The following AGBL4 variants were observed in gnomAD, a reference collection of about 807,000 sequenced individuals.
The protein encoded by AGBL4 is cytosolic carboxypeptidase 6.
A neutral mutation model predicts 66.4 loss-of-function variants in AGBL4; 58 were observed. The observed-to-expected ratio is 0.87, with a 90% confidence interval of 0.71 to 1.09. The LOEUF is 1.09. Among genes scored for constraint, AGBL4 ranks in the 50% least tolerant of loss-of-function variants. The pLI, the probability that AGBL4 is intolerant of heterozygous loss-of-function variation, is 0.00. For missense variants in AGBL4, 579 were observed against 631.0 expected (o/e 0.92, Z 0.88); for synonymous variants, 234 against 222.9 (o/e 1.05, Z -0.44).
intron 3 of AGBL4, among the ~76,000 whole-genome samples, chr1:49,257,200 G>C (rs1048989511): frequency 1.3e-5 from 2 of 152,150 alleles, no homozygotes; most frequent in Non-Finnish European, 2.9e-5. Context: ...TCTCTTCAAA[G>C]CTGTCAGACA....
chr1:48,741,393 A>G (rs944339592), intron 6 of AGBL4, among the ~76,000 whole-genome samples: 4 of 152,182 alleles, frequency 2.6e-5, no homozygotes, highest in Non-Finnish European at 2.9e-5. Flanking sequence ...CTATGCTAAG[A>G]ACTCAGGCTC....
At chr1:49,954,571 A>G (rs1378698058) in intron 1 of AGBL4, among the ~76,000 whole-genome samples, 1 of 151,926 alleles carries the variant, frequency 6.6e-6, no homozygotes, top group Non-Finnish European at 1.5e-5. Flanking sequence ...GAACCAATAC[A>G]TTTCTCTTCA....
rs1646710609 is a variant in AGBL4, at chr1:49,470,038, CA to C, written c.283-224175del. ...AATTAGAATAATAACAGTCACTCCA[CA>C]GAATTATTTTAAAAATTAAAAGTTA... On this transcript the variant is annotated intron_variant, in intron 3 of 13. Transcript: ENST00000371839. 6 of 151,972 alleles carry C rather than the reference CA, an allele frequency of 3.9e-5. No homozygotes were observed. The South Asian group carries it at 1.2e-3, about 32-fold the overall frequency. The allele number at this position is 151,972 out of a possible 1,614,324, so 9.4% of individuals were successfully genotyped here.
chr1:49,760,143 G>A (rs1270605419), intron 2 of AGBL4, among the ~76,000 whole-genome samples: 2 of 152,048 alleles, frequency 1.3e-5, no homozygotes, highest in East Asian at 3.9e-4. Flanking sequence ...TTTTGATGGG[G>A]TTGTTTTTTC....
intron 3 of AGBL4, among the ~76,000 whole-genome samples, chr1:49,295,210 G>A (rs1319130476): frequency 6.6e-6 from 1 of 152,106 alleles, no homozygotes. Context: ...AAGCATTGAG[G>A]ATATAACAAA....
At position 49,111,182 on chromosome 1, in the gene AGBL4, C is replaced by T. The variant is rs1359493690; in HGVS notation, c.378-65382G>A. Among the ~76,000 whole-genome samples the T allele has an allele frequency of 6.7e-5, 10 of 150,074 alleles. No individual in the cohort carries two copies. The East Asian group carries it at 7.9e-4, about 12-fold the overall frequency. ...AGGTTGGAGTGCAGTGGCGTGATCTCGCCTCACTGCAAGTTTCGCCTCCCA... is the reference window on the plus strand; with the variant it reads ...AGGTTGGAGTGCAGTGGCGTGATCTTGCCTCACTGCAAGTTTCGCCTCCCA... On this transcript the variant is annotated intron_variant, in intron 4 of 13. Coordinates refer to ENST00000371839, the MANE Select transcript of AGBL4 (RefSeq NM_032785.4).
chr1:49,461,496 C>CT (rs914441220), intron 3 of AGBL4, among the ~76,000 whole-genome samples: 67 of 146,164 alleles, frequency 4.6e-4, no homozygotes, highest in Admixed American at 8.3e-4. Flanking sequence ...ATTTTCCTTT[C>CT]TTTTTTTTTT....
At chr1:49,293,043 G>A (rs1644573074) in intron 3 of AGBL4, among the ~76,000 whole-genome samples, 1 of 152,218 alleles carries the variant, frequency 6.6e-6, no homozygotes, top group African/African-American at 2.4e-5. Flanking sequence ...AGCTCCCTGA[G>A]CCACGGCTGT....
chr1:48,888,191 G>C (rs7538754), intron 5 of AGBL4, among the ~76,000 whole-genome samples: 76,506 of 151,974 alleles, frequency 0.5, 22,251 homozygotes, highest in Non-Finnish European at 0.67. Flanking sequence ...AAGCCCAGAG[G>C]TCTTTACAAT....
At chr1:49,566,082 G>A (rs141229522) in intron 3 of AGBL4, among the ~76,000 whole-genome samples, 18 of 152,080 alleles carry the variant, frequency 1.2e-4, no homozygotes, top group Middle Eastern at 3.4e-3. Flanking sequence ...CTTTCTTCCC[G>A]TTGATCGCAT....
At chr1:49,525,462 T>C (rs771509821) in intron 3 of AGBL4, among the ~76,000 whole-genome samples, 35 of 151,932 alleles carry the variant, frequency 2.3e-4, no homozygotes, top group Non-Finnish European at 4.0e-4. Flanking sequence ...AAGGCAGTAA[T>C]GAGCTTGGTG....
At position 49,380,293 on chromosome 1, in the gene AGBL4, A is replaced by G. The variant is rs552184754; in HGVS notation, c.283-134429T>C. Among the ~76,000 whole-genome samples, 3 of 152,290 alleles carry G rather than the reference A, an allele frequency of 2.0e-5. No individual in the cohort carries two copies. In the South Asian group the frequency reaches 6.2e-4, roughly 32 times the overall value. On this transcript the variant is annotated intron_variant, in intron 3 of 13. Transcript: ENST00000371839. Reference sequence around the variant, plus strand: ...AAAATACCTAGGAATCCAACTTACAAGGGACGTGAAGACATGGAGAACTAC... The same window carrying G: ...AAAATACCTAGGAATCCAACTTACAGGGGACGTGAAGACATGGAGAACTAC...
intron 3 of AGBL4, among the ~76,000 whole-genome samples, chr1:49,534,171 C>CAAAAAAAAAAAAAAA (rs71059553): frequency 1.5e-5 from 1 of 67,060 alleles, no homozygotes; most frequent in Non-Finnish European, 2.6e-5. Context: ...CACCATTTTA[C>CAAAAAAAAAAAAAAA]AAAAAAAAAA....
chr1:48,733,267 T>C (rs1265328850), intron 6 of AGBL4, among the ~76,000 whole-genome samples: 1 of 152,136 alleles, frequency 6.6e-6, no homozygotes, highest in Non-Finnish European at 1.5e-5. Context: ...GGAGCATAAC[T>C]GAAGGAACAA....
At chr1:49,806,581 G>A (rs1413618964) in intron 2 of AGBL4, among the ~76,000 whole-genome samples, 1 of 152,210 alleles carries the variant, frequency 6.6e-6, no homozygotes, top group Non-Finnish European at 1.5e-5. Flanking sequence ...TGTAACAAAT[G>A]AGAAAGCATG....
chr1:49,289,070 C>T (rs1042755827), intron 3 of AGBL4, among the ~76,000 whole-genome samples: 46 of 151,892 alleles, frequency 3.0e-4, no homozygotes, highest in African/African-American at 1.1e-3. Flanking sequence ...ATCTGACCCA[C>T]AGGCCAATCA....
At chr1:49,793,197 T>C (rs1031397111) in intron 2 of AGBL4, among the ~76,000 whole-genome samples, 1 of 152,030 alleles carries the variant, frequency 6.6e-6, no homozygotes, top group African/African-American at 2.4e-5. Context: ...TTTTTGGTGA[T>C]AGTTGTAGTC....
intron 3 of AGBL4, among the ~76,000 whole-genome samples, chr1:49,292,598 C>G (rs982541683): frequency 6.6e-6 from 1 of 152,194 alleles, no homozygotes; most frequent in Non-Finnish European, 1.5e-5. Flanking sequence ...AGGACCTCGT[C>G]TCTGCTGAGA....
intron 6 of AGBL4, among the ~76,000 whole-genome samples, chr1:48,708,516 T>C (rs1389255049): frequency 2.0e-5 from 3 of 151,902 alleles, no homozygotes; most frequent in Admixed American, 6.6e-5. Flanking sequence ...GGGAGAGCCA[T>C]GGTTGGGTGG....
Sources: allele counts gnomAD v4.1 joint callset (sites outside exome capture counted in the v4.1 genomes callset), GRCh38; gene constraint gnomAD v4.1.1; transcripts MANE v1.5; gene names NCBI Gene and HGNC (gene_info 2026-07-23, HGNC 2026-07-21).